TSHZ3: variants seen among roughly 807,000 people sequenced by gnomAD.
TSHZ3 encodes the protein teashirt homolog 3.
Under a neutral mutation model 64.5 loss-of-function variants are expected in TSHZ3, and 10 were observed. The observed-to-expected ratio is 0.16, with a 90% CI of 0.10 to 0.26. The LOEUF is 0.26. TSHZ3 is among the 10% of genes least tolerant of loss of function. The probability of loss-of-function intolerance (pLI) is 1.00; values close to 1 mark genes in which losing one functional copy is unlikely to be tolerated. For missense variants in TSHZ3, 1,242 were observed against 1,421.7 expected, an observed-to-expected ratio of 0.87 and a Z score of 2.03; for synonymous variants, 608 against 593.1, an observed-to-expected ratio of 1.03 and a Z score of -0.36.
rs1974794130 is a variant in TSHZ3 at position 31,185,600 on chromosome 19, G to C, written n.809+19356C>G. Among the ~76,000 whole-genome samples the C allele has an allele frequency of 2.0e-5, 3 of 152,152 alleles. No individual in the cohort carries two copies. In the South Asian group the frequency reaches 6.2e-4, roughly 32 times the overall value. On this transcript the variant is annotated intron_variant and non_coding_transcript_variant, in intron 5 of 6. Coordinates refer to the TSHZ3 transcript ENST00000651361. Reference sequence around the variant, plus strand: ...AGGCAAGGCCATTGTGTGTCTATTTGTTACATGATTATCCCCTTCTTCTCT... The same window carrying C: ...AGGCAAGGCCATTGTGTGTCTATTTCTTACATGATTATCCCCTTCTTCTCT...
At chr19:31,234,352 T>C (rs528294497) in intron 3 of TSHZ3, among the ~76,000 whole-genome samples, 1 of 152,348 alleles carries the variant, frequency 6.6e-6, no homozygotes, top group Admixed American at 6.5e-5. Context: ...ATTTCTCTCC[T>C]TTTTAAATTC....
At chr19:31,259,051 G>T (rs1265859273) in intron 1 of TSHZ3, among the ~76,000 whole-genome samples, 1 of 152,172 alleles carries the variant, frequency 6.6e-6, no homozygotes, top group Non-Finnish European at 1.5e-5. Flanking sequence ...AAAGCAGAGT[G>T]AACTGTTAAT....
chr19:31,334,088 TTTCCTTTGCCCAGCTGACTACGTGTTTG>T (rs1917173355), intron 1 of TSHZ3, among the ~76,000 whole-genome samples: 1 of 152,146 alleles, frequency 6.6e-6, no homozygotes, highest in South Asian at 2.1e-4. Context: ...TTTTATTTAT[TTTCCTTTGCCCAGCTGACTACGTGTTTG>T]TTCTATTAGT....
chr19:31,235,632 C>CTCTT (rs68051505), intron 3 of TSHZ3, among the ~76,000 whole-genome samples: 6 of 120,326 alleles, frequency 5.0e-5, no homozygotes, highest in Admixed American at 9.1e-5. Flanking sequence ...TCTTTCTTTC[C>CTCTT]TCTTTCTTTC....
chr19:31,200,077 G>T (rs982357617), intron 5 of TSHZ3, among the ~76,000 whole-genome samples: 2 of 152,104 alleles, frequency 1.3e-5, no homozygotes, highest in Non-Finnish European at 1.5e-5. Flanking sequence ...CCAAATGCTG[G>T]TAAGAACATG....
chr19:31,326,093 C>T (rs1916923332), intron 1 of TSHZ3, among the ~76,000 whole-genome samples: 2 of 152,204 alleles, frequency 1.3e-5, no homozygotes, highest in South Asian at 4.1e-4. Context: ...TCAAAGTAAA[C>T]TGCAGATATC....
chr19:31,346,636 TC>T (rs746539582), intron 1 of TSHZ3, among the ~76,000 whole-genome samples: 3 of 152,084 alleles, frequency 2.0e-5, no homozygotes, highest in Non-Finnish European at 4.4e-5. Flanking sequence ...ATCTTTCTTT[TC>T]CCCACTCTCT....
In TSHZ3 at chr19:31,349,170, C is replaced by T; in HGVS notation, c.40+10G>A. 2 of 1,540,446 alleles carry T rather than the reference C, an allele frequency of 1.3e-6. No homozygotes were observed. The highest frequency in any genetic ancestry group is 2.0e-5 in the Admixed American group (1 of 50,470). The stretch of plus-strand genomic sequence containing the variant: ...GGAGGAGAGCAGAAGGAAGGGGAAG[C>T]GGCTCGTACCTGCTGCGCGCCGGGG... On this transcript the variant is annotated intron_variant, in intron 1 of 1. Coordinates refer to ENST00000240587, the MANE Select transcript of TSHZ3 (RefSeq NM_020856.4).
upstream of TSHZ3, among the ~76,000 whole-genome samples, chr19:31,350,600 G>A (rs1371045260): frequency 1.3e-5 from 2 of 151,654 alleles, no homozygotes; most frequent in East Asian, 4.0e-4. Context: ...TGGACTAGAG[G>A]GATTGATTAT....
At chr19:31,190,554 T>C (rs1250347421) in intron 5 of TSHZ3, among the ~76,000 whole-genome samples, 3 of 152,114 alleles carry the variant, frequency 2.0e-5, no homozygotes, top group Non-Finnish European at 2.9e-5. Flanking sequence ...TTCCCAATAA[T>C]TATCTATAAA....
At chr19:31,193,773 G>A (rs1214650874) in intron 5 of TSHZ3, among the ~76,000 whole-genome samples, 2 of 152,114 alleles carry the variant, frequency 1.3e-5, no homozygotes, top group Non-Finnish European at 1.5e-5. Context: ...TTGGAAAGGA[G>A]AACAAATACT....
intron 4 of TSHZ3, among the ~76,000 whole-genome samples, chr19:31,218,502 A>C (rs1975359931): frequency 6.6e-6 from 1 of 152,240 alleles, no homozygotes; most frequent in African/African-American, 2.4e-5. Context: ...GGGGTTTCTT[A>C]TAAAACTAAA....
chr19:31,329,885 A>C (rs1018513283), intron 1 of TSHZ3, among the ~76,000 whole-genome samples: 1 of 152,188 alleles, frequency 6.6e-6, no homozygotes, highest in African/African-American at 2.4e-5. Context: ...CAAGGATCAC[A>C]TGCCAAAATT....
At chr19:31,336,379 G>A (rs1368015354) in intron 1 of TSHZ3, among the ~76,000 whole-genome samples, 4 of 152,126 alleles carry the variant, frequency 2.6e-5, no homozygotes, top group Non-Finnish European at 5.9e-5. Flanking sequence ...CTCTCTGGCT[G>A]GGACTCTGTA....
intron 1 of TSHZ3, among the ~76,000 whole-genome samples, chr19:31,338,819 TTTTC>T (rs918053976): frequency 0.012 from 1,885 of 151,404 alleles, 42 homozygotes; most frequent in African/African-American, 0.043. Context: ...TCCATCTTTT[TTTTC>T]TTTCTTTCTT....
intron 1 of TSHZ3, among the ~76,000 whole-genome samples, chr19:31,288,905 T>C (rs1976512936): frequency 6.6e-6 from 1 of 152,168 alleles, no homozygotes; most frequent in Non-Finnish European, 1.5e-5. Flanking sequence ...AGGGAGGCCC[T>C]GGGTCTCAGC....
At chr19:31,295,768 G>C (rs948521615) in intron 1 of TSHZ3, among the ~76,000 whole-genome samples, 1 of 151,596 alleles carries the variant, frequency 6.6e-6, no homozygotes. Flanking sequence ...TGCATAAAAA[G>C]GTTCTTTAAT....
chr19:31,210,224 CT>C (rs1479048593), intron 4 of TSHZ3, among the ~76,000 whole-genome samples: 1 of 152,096 alleles, frequency 6.6e-6, no homozygotes, highest in Non-Finnish European at 1.5e-5. Context: ...AGGCACAGGC[CT>C]GGGTTGGAGG....
Position 31,278,599 on chromosome 19 carries a change from C to A in TSHZ3, c.1194G>T (p.Leu398=). The A allele has an allele frequency of 6.2e-7, 1 of 1,614,156 alleles. No individual in the cohort carries two copies. The highest frequency in any genetic ancestry group is 1.1e-5 in the South Asian group (1 of 91,078). ...CMECGSSHDT[L]QELTAHMMVT... ...CCATCATGTGGGCAGTGAGCTCCTG[C>A]AGGGTGTCATGCGAGCTCCCACACT... Residue 398 remains leucine (L), a synonymous_variant, in exon 2 of 2, where the codon CTG becomes CTT. Coordinates refer to ENST00000240587, the MANE Select transcript of TSHZ3 (RefSeq NM_020856.4). This position sits in a 1 kb window ranked among gnomAD's most constrained non-coding sequence, Gnocchi z 4.7.
Sources: allele counts gnomAD v4.1 joint callset (sites outside exome capture counted in the v4.1 genomes callset), GRCh38; gene constraint gnomAD v4.1.1; non-coding constraint Gnocchi (gnomAD v3.1); transcripts MANE v1.5; gene names NCBI Gene and HGNC (gene_info 2026-07-23, HGNC 2026-07-21).